CUBN: variants seen among roughly 807,000 people sequenced by gnomAD.
CUBN encodes the protein cubilin, also known as 460 kDa receptor.
CUBN carries 282 observed loss-of-function variants against 405.3 expected under a neutral mutation model. That is an observed-to-expected ratio of 0.70 (90% CI 0.63 to 0.77). CUBN has a LOEUF of 0.77. CUBN is among the 30% of genes least tolerant of loss of function. CUBN has a pLI of 0.00. For synonymous variants in CUBN, 1,684 were observed against 1,617.0 expected (o/e 1.04, Z -0.99); for missense variants, 4,514 against 4,475.2 (o/e 1.01, Z -0.25).
chr10:16,927,035 T>C (rs563993321), intron 41 of CUBN, among the ~76,000 whole-genome samples: 3 of 151,974 alleles, frequency 2.0e-5, no homozygotes, highest in East Asian at 1.9e-4. Context: ...CAGGTTAAAT[T>C]TGAAATACAT....
At chr10:16,976,204 T>G (rs1833088116) in intron 31 of CUBN, among the ~76,000 whole-genome samples, 1 of 152,028 alleles carries the variant, frequency 6.6e-6, no homozygotes, top group South Asian at 2.1e-4. Context: ...ACTCCTGGGC[T>G]CAAGTGATCC....
intron 59 of CUBN, among the ~76,000 whole-genome samples, chr10:16,857,153 T>C (rs140210002): frequency 4.2e-4 from 64 of 152,376 alleles, no homozygotes; most frequent in Non-Finnish European, 8.8e-4. Flanking sequence ...GTATAATATT[T>C]ATGTTTTACA....
At chr10:16,890,994 C>T (rs903171179) in intron 54 of CUBN, among the ~76,000 whole-genome samples, 1 of 152,086 alleles carries the variant, frequency 6.6e-6, no homozygotes, top group Admixed American at 6.6e-5. Flanking sequence ...TCCAAGTATA[C>T]GTATAATCAG....
chr10:16,883,075 GAAGA>G (rs1313708123), intron 56 of CUBN, among the ~76,000 whole-genome samples: 1 of 151,266 alleles, frequency 6.6e-6, no homozygotes, highest in African/African-American at 2.4e-5. Flanking sequence ...GAAAGGAAAG[GAAGA>G]AAGAAAGAAA....
intron 14 of CUBN, among the ~76,000 whole-genome samples, chr10:17,089,438 A>G (rs1358946236): frequency 6.6e-6 from 1 of 152,254 alleles, no homozygotes; most frequent in African/African-American, 2.4e-5. Context: ...TAAAAAGAAT[A>G]GAGACATGAA....
At chr10:16,900,314 T>C (rs1038726051) in intron 53 of CUBN, among the ~76,000 whole-genome samples, 10 of 152,264 alleles carry the variant, frequency 6.6e-5, no homozygotes, top group Admixed American at 1.3e-4. Flanking sequence ...CTTTTGCCGA[T>C]GAAGGCAGCA....
intron 62 of CUBN, among the ~76,000 whole-genome samples, chr10:16,837,584 A>G (rs11254240): frequency 0.04 from 6,090 of 151,772 alleles, 181 homozygotes; most frequent in Non-Finnish European, 0.063. Flanking sequence ...TCAACTTCAT[A>G]TTTCTTAACC....
intron 14 of CUBN, among the ~76,000 whole-genome samples, chr10:17,095,324 A>G (rs370618255): frequency 6.6e-6 from 1 of 152,086 alleles, no homozygotes; most frequent in Non-Finnish European, 1.5e-5. Flanking sequence ...GAAAAGCCCT[A>G]TGACATTAGT....
At chr10:17,031,771 G>A (rs561392430) in intron 27 of CUBN, among the ~76,000 whole-genome samples, 12 of 152,272 alleles carry the variant, frequency 7.9e-5, no homozygotes, top group South Asian at 2.1e-4. Flanking sequence ...AAAGACTGGC[G>A]TTTACCTTTA....
At chr10:17,105,621 T>C in intron 10 of CUBN, 46 bp from the exon 11 acceptor site, 1 of 1,033,630 alleles carries the variant, frequency 9.7e-7, no homozygotes, top group East Asian at 2.4e-5. Context: ...TCTCCTCCTC[T>C]GTTCGGATGC....
intron 28 of CUBN, among the ~76,000 whole-genome samples, chr10:16,992,422 C>G (rs1283740865): frequency 3.9e-5 from 6 of 152,154 alleles, no homozygotes; most frequent in Non-Finnish European, 8.8e-5. Flanking sequence ...AACAGTGCCT[C>G]CTCACTCCAT....
At position 16,947,310 on chromosome 10, in the gene CUBN, T is replaced by C; in HGVS notation, c.5267A>G (p.Asp1756Gly). ...ACATTCCACATTAGGGGGATAAATG[T>C]CTGGGTAGCCAGGGCTGTTGAAGAT... Reference protein sequence around the residue: ...EGIFNSPGYPDIYPPNVECVW... With the variant: ...EGIFNSPGYPGIYPPNVECVW... Residue 1756 changes from aspartate (D) to glycine (G), a missense_variant, in exon 36 of 67, where the codon GAC becomes GGC. Physicochemically the swap from Asp to Gly is moderately conservative, Grantham distance 94 (BLOSUM62 -1). This residue lies in a region of CUBN where 1,613 missense variants were observed against 1,542.8 expected (regional missense o/e 1.05). Coordinates refer to ENST00000377833, the MANE Select transcript of CUBN (RefSeq NM_001081.4). 1.2e-6 allele frequency: 2 copies of C among 1,614,120 alleles called. No individual in the cohort carries two copies. Among genetic ancestry groups the C allele is most frequent in the Non-Finnish European group, 1.7e-6 (2 of 1,179,976 alleles).
chr10:16,884,000 G>A (rs980211346), intron 56 of CUBN, among the ~76,000 whole-genome samples: 1 of 152,008 alleles, frequency 6.6e-6, no homozygotes, highest in Non-Finnish European at 1.5e-5. Flanking sequence ...TTTATTTTGA[G>A]ACAGAGTCTT....
chr10:16,875,979 T>C (rs530086855), intron 57 of CUBN, among the ~76,000 whole-genome samples: 29 of 152,346 alleles, frequency 1.9e-4, no homozygotes, highest in African/African-American at 6.7e-4. Flanking sequence ...TACACAGCCA[T>C]ATGTAGTCAT....
chr10:16,913,820 C>T lies in CUBN; in HGVS notation c.7524G>A (p.Glu2508=), dbSNP rs761047508. The T allele has an allele frequency of 6.2e-7, 1 of 1,613,542 alleles. No homozygotes were observed. Among genetic ancestry groups the T allele is most frequent in the Non-Finnish European group, 8.5e-7 (1 of 1,180,020 alleles). The change falls in exon 48 of 67, where the codon GAG becomes GAA. Residue 2508 remains glutamate, a synonymous_variant. Coordinates refer to ENST00000377833, the MANE Select transcript of CUBN (RefSeq NM_001081.4). ...GGCAGGGAACACTTACTATCACATG[C>T]TCATTGTTGCAGGACGGATGCGTGG... ...RLATHPSCNN[E]HVIVFNGIRS...
intron 56 of CUBN, 139 bp downstream of exon 56, chr10:16,888,277 GT>G (rs1652866170): frequency 5.6e-6 from 4 of 713,562 alleles, no homozygotes; most frequent in Non-Finnish European, 9.7e-6. Flanking sequence ...AAAGTGCTAA[GT>G]AAGTGAGTGA....
intron 31 of CUBN, among the ~76,000 whole-genome samples, chr10:16,958,219 C>T (rs1843124903): frequency 1.3e-5 from 2 of 152,176 alleles, no homozygotes; most frequent in African/African-American, 4.8e-5. Flanking sequence ...ATTTCCCCTA[C>T]CCCCAGCCCC....
chr10:17,093,962 AAGG>A (rs770730425), intron 14 of CUBN, among the ~76,000 whole-genome samples: 14 of 152,132 alleles, frequency 9.2e-5, no homozygotes, highest in Non-Finnish European at 1.5e-4. Flanking sequence ...TGAGTCTCAG[AAGG>A]AGAAGAAAGA....
At chr10:17,004,446 A>G (rs984450507) in intron 28 of CUBN, among the ~76,000 whole-genome samples, 14 of 152,218 alleles carry the variant, frequency 9.2e-5, no homozygotes, top group Non-Finnish European at 1.5e-4. Flanking sequence ...TGCTGAAAGG[A>G]TACATCCCCT....
Sources: gnomAD v4.1 joint callset for allele counts (sites outside exome capture counted in the v4.1 genomes callset) on GRCh38, gnomAD v4.1.1 for gene constraint, gnomAD v4.1.1 regional missense constraint, MANE v1.5 for transcripts, NCBI Gene and HGNC (gene_info 2026-07-23, HGNC 2026-07-21) for gene names.